The following TASP1 variants were observed in gnomAD, a reference collection of about 807,000 sequenced individuals.
TASP1 encodes the protein threonine aspartase 1.
TASP1 carries 16 observed loss-of-function variants against 56.6 expected under a neutral mutation model. The observed-to-expected ratio is 0.28, with a 90% CI of 0.19 to 0.43. The LOEUF is 0.43. Among genes scored for constraint, TASP1 ranks in the 20% least tolerant of loss-of-function variants. TASP1 has a pLI of 1.00. For synonymous variants in TASP1, 179 were observed against 184.2 expected (o/e 0.97, Z 0.23); for missense variants, 393 against 511.6 (o/e 0.77, Z 2.24).
chr20:13,377,978 T>G, the TASP1 span, among the ~76,000 whole-genome samples: 77 of 152,242 alleles, frequency 5.1e-4, no homozygotes, highest in South Asian at 1.2e-3. Flanking sequence ...TTCTTTATTA[T>G]TCTGGCTAGC....
chr20:13,315,172 T>C, the TASP1 span, among the ~76,000 whole-genome samples: 5 of 152,004 alleles, frequency 3.3e-5, no homozygotes, highest in Non-Finnish European at 5.9e-5. Context: ...TAGTAATAAA[T>C]ATGATAGGTA....
At chr20:13,232,102 A>T in the TASP1 span, among the ~76,000 whole-genome samples, 1 of 152,226 alleles carries the variant, frequency 6.6e-6, no homozygotes, top group Non-Finnish European at 1.5e-5. Flanking sequence ...TAACCCTGGG[A>T]GATGGCAGTG....
chr20:13,357,539 G>A, the TASP1 span, among the ~76,000 whole-genome samples: 1 of 152,112 alleles, frequency 6.6e-6, no homozygotes. Context: ...TGATAAGAAG[G>A]GGACGTGATA....
At chr20:13,168,620 TA>T in the TASP1 span, 1 of 152,264 alleles carries the variant, frequency 6.6e-6, no homozygotes, top group Non-Finnish European at 1.5e-5. Flanking sequence ...TATTCTTTTG[TA>T]TTTTTCTTCA....
At chr20:13,245,429 T>C in the TASP1 span, 1 of 152,218 alleles carries the variant, frequency 6.6e-6, no homozygotes, top group Non-Finnish European at 1.5e-5. Context: ...CTAATCTCAG[T>C]GACATTCCAT....
intron 12 of TASP1, among the ~76,000 whole-genome samples, chr20:13,433,146 G>A (rs1384056964): frequency 6.6e-6 from 1 of 152,060 alleles, no homozygotes; most frequent in East Asian, 1.9e-4. Flanking sequence ...CCCCTGACAA[G>A]CTCTGGTGTG....
chr20:13,361,550 G>C, the TASP1 span, among the ~76,000 whole-genome samples: 5 of 152,150 alleles, frequency 3.3e-5, no homozygotes, highest in Non-Finnish European at 5.9e-5. Context: ...TCCCTTCTCA[G>C]AATTCAGGCC....
chr20:13,176,221 T>C, the TASP1 span, among the ~76,000 whole-genome samples: 2 of 152,102 alleles, frequency 1.3e-5, no homozygotes, highest in Non-Finnish European at 2.9e-5. Context: ...TCCTTTCCCA[T>C]TTGGATGCCC....
the TASP1 span, chr20:13,164,886 A>G: frequency 6.3e-7 from 1 of 1,592,984 alleles, no homozygotes; most frequent in South Asian, 1.1e-5. Flanking sequence ...GTCCTGAATG[A>G]CACATAAAGA....
chr20:13,357,482 G>GT, the TASP1 span, among the ~76,000 whole-genome samples: 19 of 152,136 alleles, frequency 1.2e-4, no homozygotes, highest in Non-Finnish European at 2.4e-4. Context: ...ACAAATACAT[G>GT]TTTTCTCACT....
the TASP1 span, among the ~76,000 whole-genome samples, chr20:13,187,732 C>CAAAAAAAAAAAAAAAAAA: frequency 1.7e-5 from 1 of 57,154 alleles, no homozygotes; most frequent in Non-Finnish European, 3.1e-5. Flanking sequence ...GACTCCATCT[C>CAAAAAAAAAAAAAAAAAA]AAAAAAAAAA....
the TASP1 span, among the ~76,000 whole-genome samples, chr20:13,302,277 A>T: frequency 6.6e-6 from 1 of 152,112 alleles, no homozygotes; most frequent in Non-Finnish European, 1.5e-5. Flanking sequence ...GGTAAATTGG[A>T]GGGGAGGGCT....
chr20:13,383,007 A>T, the TASP1 span, among the ~76,000 whole-genome samples: 1 of 152,192 alleles, frequency 6.6e-6, no homozygotes, highest in African/African-American at 2.4e-5. Flanking sequence ...CCATCTGGAA[A>T]GTGCTTTCCA....
intron 10 of TASP1, among the ~76,000 whole-genome samples, chr20:13,524,572 T>C (rs189650706): frequency 1.6e-4 from 24 of 152,280 alleles, no homozygotes; most frequent in Non-Finnish European, 3.4e-4. Context: ...ACAGCCCTCT[T>C]TCCTCAAGAG....
Position 13,546,764 on chromosome 20 carries a change from T to G in TASP1, c.675+12244A>C, listed in dbSNP as rs552570599. Among the ~76,000 whole-genome samples the G allele has an allele frequency of 7.2e-5, 11 of 152,282 alleles. No individual in the cohort carries two copies. The East Asian group carries it at 2.1e-3, about 29-fold the overall frequency. ...TGACTCACCTCTTTGGAATGGCCAG[T>G]GGAGATTGTGGGCTGTTTCAAGCTA... is the stretch of plus-strand genomic sequence containing the variant. On this transcript the variant is annotated intron_variant, in intron 8 of 13. Transcript: ENST00000337743.
chr20:13,364,247 C>T, the TASP1 span, among the ~76,000 whole-genome samples: 1 of 151,988 alleles, frequency 6.6e-6, no homozygotes, highest in Non-Finnish European at 1.5e-5. Flanking sequence ...AAGTTTTTAC[C>T]TTTATTTAAA....
intron 5 of TASP1, among the ~76,000 whole-genome samples, chr20:13,582,250 A>C (rs888429598): frequency 6.6e-6 from 1 of 151,896 alleles, no homozygotes; most frequent in Non-Finnish European, 1.5e-5. Flanking sequence ...ATAAATCCAA[A>C]TCTTTACTCC....
At chr20:13,221,028 C>A in the TASP1 span, among the ~76,000 whole-genome samples, 13 of 152,256 alleles carry the variant, frequency 8.5e-5, no homozygotes, top group South Asian at 2.5e-3. Flanking sequence ...CAAACCGTGA[C>A]AACCTCGGTG....
chr20:13,403,063 T>G (rs2041797273), intron 13 of TASP1, among the ~76,000 whole-genome samples: 1 of 152,178 alleles, frequency 6.6e-6, no homozygotes, highest in Non-Finnish European at 1.5e-5. Context: ...TCAGATAGTT[T>G]TTAGAAAGAG....
Sources: gnomAD v4.1 joint callset for allele counts (sites outside exome capture counted in the v4.1 genomes callset) on GRCh38, gnomAD v4.1.1 for gene constraint, MANE v1.5 for transcripts, NCBI Gene and HGNC (gene_info 2026-07-23, HGNC 2026-07-21) for gene names.